TMPRSS5: variants seen among roughly 807,000 people sequenced by gnomAD.
TMPRSS5 encodes the protein transmembrane serine protease 5.
In TMPRSS5, 45 loss-of-function variants were observed where a neutral mutation model predicts 59.7. The ratio of observed to expected loss-of-function variants is 0.75; its 90% CI spans 0.59 to 0.97. TMPRSS5 has a LOEUF of 0.97. Among genes scored for constraint, TMPRSS5 ranks in the 50% least tolerant of loss-of-function variants. The probability of loss-of-function intolerance (pLI) is 0.00; values close to 1 mark genes in which losing one functional copy is unlikely to be tolerated. For synonymous variants in TMPRSS5, 225 were observed against 232.0 expected, an observed-to-expected ratio of 0.97 and a Z score of 0.27; for missense variants, 585 against 596.7, an observed-to-expected ratio of 0.98 and a Z score of 0.20.
chr11:113,703,126 T>C (rs974663595), intron 1 of TMPRSS5, among the ~76,000 whole-genome samples: 1 of 152,138 alleles, frequency 6.6e-6, no homozygotes, highest in Non-Finnish European at 1.5e-5. Context: ...CTGCAGCCCA[T>C]GAAAACAGCC....
chr11:113,694,517 G>T lies in TMPRSS5; in HGVS notation c.746C>A (p.Ala249Glu), dbSNP rs1263487635. 6.4e-7 allele frequency: 1 copy of T among 1,566,198 alleles called. No homozygotes were observed. Among genetic ancestry groups the T allele is most frequent in the Admixed American group, 1.9e-5 (1 of 53,762 alleles). Residue 249 changes from alanine (A) to glutamate (E), a missense_variant, in exon 8 of 13, where the codon GCG (alanine) becomes GAG (glutamate). By Grantham distance (107) the Ala-to-Glu change is moderately radical (BLOSUM62 -1). Coordinates refer to ENST00000299882, the MANE Select transcript of TMPRSS5 (RefSeq NM_030770.4). ...TGCAGCAGTCACCACCCAGCGTGGCGCTAGCACAGAGCCCCCACACGTGTG... is the reference window on the plus strand; with the variant it reads ...TGCAGCAGTCACCACCCAGCGTGGCTCTAGCACAGAGCCCCCACACGTGTG... ...FRHTCGGSVL[A>E]PRWVVTAAHC...
intron 12 of TMPRSS5, among the ~76,000 whole-genome samples, chr11:113,688,495 C>A (rs750899384): frequency 4.6e-5 from 7 of 152,182 alleles, no homozygotes; most frequent in African/African-American, 1.7e-4. Flanking sequence ...AACCCCCACC[C>A]CTGCCCAACC....
At chr11:113,698,771 G>A in intron 4 of TMPRSS5, 134 bp downstream of exon 4, 6 of 1,015,656 alleles carry the variant, frequency 5.9e-6, no homozygotes, top group African/African-American at 1.6e-5. Context: ...CCTTGTCACT[G>A]CCCTCACACT....
Position 113,697,561 on chromosome 11 carries a change from C to T in TMPRSS5, c.329-143G>A, listed in dbSNP as rs371494801. 2.0e-4 allele frequency: 186 copies of T among 937,020 alleles called. 1 individual carries two copies. In the East Asian group the frequency reaches 3.9e-3, roughly 20 times the overall value. 58.0% of individuals were successfully genotyped at this position (937,020 alleles called of 1,614,324 possible). ...ACCCAGTGCCAAGTTCCCTGCTCCC[C>T]GGAGAGTGAGACCAGTCCCAAGAGC... On this transcript the variant is annotated intron_variant, in intron 4 of 12. Transcript: ENST00000299882.
chr11:113,701,013 G>C (rs1381777694), intron 1 of TMPRSS5, among the ~76,000 whole-genome samples: 1 of 152,202 alleles, frequency 6.6e-6, no homozygotes, highest in East Asian at 1.9e-4. Flanking sequence ...AGTTGAAGAA[G>C]GACATGTTTG....
At chr11:113,694,446 G>C in intron 8 of TMPRSS5, 32 bp downstream of exon 8, 10 of 1,548,988 alleles carry the variant, frequency 6.5e-6, no homozygotes, top group Non-Finnish European at 8.7e-6. Flanking sequence ...GGCAACTGAG[G>C]CTCTCTGTCC....
intron 7 of TMPRSS5, 136 bp from the exon 8 acceptor site, chr11:113,694,776 T>C: frequency 1.1e-6 from 1 of 891,198 alleles, no homozygotes. Flanking sequence ...TTCCTGGTCC[T>C]AAGTATGGGG....
At chr11:113,701,324 T>A (rs924913416) in intron 1 of TMPRSS5, among the ~76,000 whole-genome samples, 5 of 146,122 alleles carry the variant, frequency 3.4e-5, no homozygotes, top group African/African-American at 1.3e-4. Flanking sequence ...ACCAAAATAC[T>A]GATAGTGATA....
chr11:113,689,646 A>C, intron 12 of TMPRSS5, 119 bp downstream of exon 12: 1 of 1,039,352 alleles, frequency 9.6e-7, no homozygotes, highest in Non-Finnish European at 1.4e-6. Context: ...ACTCTGGGGA[A>C]TATGTCCTAG....
At chr11:113,690,518 G>T in intron 10 of TMPRSS5, 145 bp from the exon 11 acceptor site, 1 of 1,272,698 alleles carries the variant, frequency 7.9e-7, no homozygotes, top group African/African-American at 1.5e-5. Flanking sequence ...GCTGAGCAAG[G>T]AAGCAGTAGG....
intron 10 of TMPRSS5, 47 bp from the exon 11 acceptor site, chr11:113,690,420 G>C (rs1365951429): frequency 6.3e-7 from 1 of 1,576,938 alleles, no homozygotes; most frequent in South Asian, 1.2e-5. Context: ...GCAAGGCCCA[G>C]GCAGGCAGAG....
At chr11:113,695,378 C>T (rs1195592519) in intron 7 of TMPRSS5, 22 bp downstream of exon 7, 2 of 1,613,700 alleles carry the variant, frequency 1.2e-6, no homozygotes, top group Admixed American at 3.3e-5. Flanking sequence ...CGCCACCTCC[C>T]CTAGACCAAG....
Position 113,690,939 on chromosome 11 carries a change from T to A in TMPRSS5, c.965A>T (p.Asp322Val). The change falls in exon 10 of 13, where the codon GAC (aspartate) becomes GTC (valine). Residue 322 changes from aspartate to valine, a missense_variant and splice_region_variant. Coordinates refer to ENST00000299882, the MANE Select transcript of TMPRSS5 (RefSeq NM_030770.4). Reference protein sequence around the residue: ...LRLQTALNFSDTVGAVCLPAK... With the variant: ...LRLQTALNFSVTVGAVCLPAK... ...CGGCAGGCACACAGCGCCCACAGTG[T>A]CTGTAGAGAGGCACATGGTCCTGGT... 6.3e-7 allele frequency: 1 copy of A among 1,581,620 alleles called. No individual in the cohort carries two copies. Among genetic ancestry groups the A allele is most frequent in the Admixed American group, 1.8e-5 (1 of 54,810 alleles).
Position 113,699,585 on chromosome 11 carries a change from C to A in TMPRSS5, c.205+10G>T. ...CTCCCCCACACCAGAGAAAGGCCCC[C>A]AGCACTGACCTAGGAGCCATGAGCC... On this transcript the variant is annotated intron_variant, in intron 3 of 12. Coordinates refer to ENST00000299882, the MANE Select transcript of TMPRSS5 (RefSeq NM_030770.4). 1 of 1,564,758 alleles carries A rather than the reference C, an allele frequency of 6.4e-7. No individual in the cohort carries two copies. Among genetic ancestry groups the A allele is most frequent in the Non-Finnish European group, 8.7e-7 (1 of 1,154,706 alleles).
At chr11:113,696,257 G>A (rs536644695) in intron 6 of TMPRSS5, among the ~76,000 whole-genome samples, 2 of 152,278 alleles carry the variant, frequency 1.3e-5, no homozygotes, top group East Asian at 1.9e-4. Context: ...GAGGCTGATA[G>A]GCAGATTGAG....
chr11:113,706,168 G>C (rs1036344796), intron 1 of TMPRSS5, 54 bp downstream of exon 1: 6 of 1,576,154 alleles, frequency 3.8e-6, no homozygotes. Context: ...AGGAGGGAGA[G>C]AGAAAGAAAG....
intron 1 of TMPRSS5, 139 bp downstream of exon 1, chr11:113,706,083 C>A (rs748583794): frequency 1.6e-4 from 157 of 968,976 alleles, no homozygotes; most frequent in Middle Eastern, 1.2e-3. Context: ...CACACAGGGC[C>A]CCTGCTAGGA....
rs1952661040 is a variant in TMPRSS5, at chr11:113,688,275, C to T, written c.1360-1G>A. 3 of 1,577,214 alleles carry T rather than the reference C, an allele frequency of 1.9e-6. No homozygotes were observed. The highest frequency in any genetic ancestry group is 1.7e-6 in the Non-Finnish European group (2 of 1,160,456). On this transcript the variant is annotated splice_acceptor_variant, in intron 12 of 12. Coordinates refer to ENST00000299882, the MANE Select transcript of TMPRSS5 (RefSeq NM_030770.4). LOFTEE classifies it high-confidence loss of function. ...ACAGCAGGACTCAGAGGAGGGAGTC[C>T]TAGACCAAAAGGGAAAGGAACTGAT...
At chr11:113,693,344 T>C (rs1301041035) in intron 8 of TMPRSS5, 95 bp from the exon 9 acceptor site, 2 of 1,362,482 alleles carry the variant, frequency 1.5e-6, no homozygotes, top group South Asian at 1.5e-5. Flanking sequence ...AGAGCAGCCA[T>C]TGGTGGGGGG....
Sources: gnomAD v4.1 joint callset for allele counts (sites outside exome capture counted in the v4.1 genomes callset) on GRCh38, gnomAD v4.1.1 for gene constraint, MANE v1.5 for transcripts, NCBI Gene and HGNC (gene_info 2026-07-23, HGNC 2026-07-21) for gene names.